Variants in LMLN observed in about 807,000 individuals in gnomAD.
LMLN encodes the protein leishmanolysin-like peptidase.
A neutral mutation model predicts 92.3 loss-of-function variants in LMLN; 70 were observed. The ratio of observed to expected loss-of-function variants is 0.76; its 90% CI spans 0.63 to 0.92. The LOEUF is 0.92. LMLN is among the 40% of genes least tolerant of loss of function. The pLI is 0.00. For missense variants in LMLN, 691 were observed against 814.6 expected (o/e 0.85, Z 1.85); for synonymous variants, 308 against 296.2 (o/e 1.04, Z -0.41).
chr3:197,978,208 T>A (rs897521232), intron 5 of LMLN, among the ~76,000 whole-genome samples: 2 of 152,144 alleles, frequency 1.3e-5, no homozygotes, highest in African/African-American at 4.8e-5. Context: ...CACACGTTAA[T>A]TCTGGATACA....
chr3:198,014,712 A>G (rs139576379), intron 11 of LMLN, among the ~76,000 whole-genome samples: 155 of 138,894 alleles, frequency 1.1e-3, no homozygotes, highest in African/African-American at 3.9e-3. Flanking sequence ...AACTAGTCTG[A>G]CTTCTCTCCA....
chr3:198,035,258 T>TC (rs1723181315), intron 14 of LMLN, among the ~76,000 whole-genome samples: 1 of 150,870 alleles, frequency 6.6e-6, no homozygotes, highest in Admixed American at 6.6e-5. Context: ...GGGAAAAGTG[T>TC]CCATAGCTTC....
chr3:197,963,952 T>G (rs1702783739), intron 1 of LMLN, among the ~76,000 whole-genome samples: 1 of 152,240 alleles, frequency 6.6e-6, no homozygotes, highest in South Asian at 2.1e-4. Context: ...CCCTTTGGTT[T>G]CTGGTTTCCC....
At chr3:198,030,318 T>C (rs924307814) in intron 14 of LMLN, among the ~76,000 whole-genome samples, 8 of 152,224 alleles carry the variant, frequency 5.3e-5, no homozygotes, top group African/African-American at 1.9e-4. Context: ...GTGGTGATTA[T>C]GGATAAATAC....
intron 10 of LMLN, among the ~76,000 whole-genome samples, chr3:197,997,908 G>T (rs182284809): frequency 5.3e-5 from 8 of 152,334 alleles, no homozygotes; most frequent in African/African-American, 1.9e-4. Flanking sequence ...AAAATGTAAT[G>T]AGCAACTTAT....
intron 14 of LMLN, among the ~76,000 whole-genome samples, chr3:198,030,259 G>A (rs989058746): frequency 6.6e-6 from 1 of 152,160 alleles, no homozygotes; most frequent in African/African-American, 2.4e-5. Flanking sequence ...CTCTTGCTGT[G>A]TTCACTTCCT....
At chr3:198,034,533 C>T (rs1334445361) in intron 14 of LMLN, among the ~76,000 whole-genome samples, 1 of 152,108 alleles carries the variant, frequency 6.6e-6, no homozygotes, top group African/African-American at 2.4e-5. Context: ...ATTGCTTGAA[C>T]CCATGAGGCA....
At chr3:197,985,763 T>A (rs761762723) in intron 7 of LMLN, 33 bp from the exon 8 acceptor site, 16 of 1,439,126 alleles carry the variant, frequency 1.1e-5, no homozygotes, top group Non-Finnish European at 1.1e-5. Context: ...TTGATGTTTT[T>A]CACTTGAAGA....
chr3:198,032,087 G>A (rs1371005716), intron 14 of LMLN, among the ~76,000 whole-genome samples: 1 of 146,532 alleles, frequency 6.8e-6, no homozygotes, highest in African/African-American at 2.6e-5. Context: ...GGGCGACAGA[G>A]TGAGACTCTG....
At chr3:198,041,559 G>A (rs1403836236) in exon 16 of LMLN, 2 of 152,182 alleles carry the variant, frequency 1.3e-5, no homozygotes, top group Non-Finnish European at 2.9e-5. Context: ...AAAAAAGTCT[G>A]AAATCTGAAA....
chr3:198,037,204 A>AT (rs1723257628), intron 15 of LMLN, among the ~76,000 whole-genome samples: 1 of 152,192 alleles, frequency 6.6e-6, no homozygotes, highest in African/African-American at 2.4e-5. Context: ...AAAATCAGCA[A>AT]TGGGAAGAGG....
chr3:198,038,890 AACCCAACCACCTCG>A, exon 16 of LMLN: 1 of 293,606 alleles, frequency 3.4e-6, no homozygotes, highest in Non-Finnish European at 5.7e-6. Context: ...CTTCATCAGC[AACCCAACCACCTCG>A]TCAGCAACCC....
chr3:198,036,179 A>C, intron 15 of LMLN, 136 bp downstream of exon 16: 3 of 740,202 alleles, frequency 4.1e-6, no homozygotes, highest in Non-Finnish European at 6.6e-6. Flanking sequence ...TTTTTATGGG[A>C]AGTTCCTCCT....
In LMLN at chr3:198,031,939, T is replaced by G. The variant is rs1723088906; in HGVS notation, c.1657-3894T>G. On this transcript the variant is annotated intron_variant, in intron 14 of 15. Transcript: ENST00000330198. The surrounding 1 kb of genome is among the most constrained non-coding windows in gnomAD (Gnocchi z 4.8). ...CAACATGATGAAACCCCTCATCTAC[T>G]AAAAATACAAAAATTAGCCCGGTGT... 6.6e-6 allele frequency among the ~76,000 whole-genome samples: 1 copy of G among 151,722 alleles called. No individual in the cohort carries two copies. Among genetic ancestry groups the G allele is most frequent in the African/African-American group, 2.4e-5 (1 of 41,288 alleles).
Position 197,991,111 on chromosome 3 carries a change from CT to C in LMLN, c.1047+450del, listed in dbSNP as rs56713833. On this transcript the variant is annotated intron_variant, in intron 9 of 15. Coordinates refer to ENST00000330198, the Ensembl canonical transcript of LMLN. Reference sequence around the variant, plus strand: ...TTTTTTTCTTTTATTTTCTTTCTTTCTTTTTTTTTTTTTTTGATACAGGGTC... The same window carrying C: ...TTTTTTTCTTTTATTTTCTTTCTTTCTTTTTTTTTTTTTTGATACAGGGTC... 4.1e-3 allele frequency among the ~76,000 whole-genome samples: 559 copies of C among 137,742 alleles called. 1 individual carries two copies. The highest frequency in any genetic ancestry group is 0.013 in the South Asian group (58 of 4,346). 90.4% of individuals were successfully genotyped at this position (137,742 alleles called of 152,430 possible).
chr3:197,975,195 A>G, intron 3 of LMLN, 123 bp downstream of exon 3: 1 of 575,630 alleles, frequency 1.7e-6, no homozygotes, highest in Non-Finnish European at 3.1e-6. Context: ...TTGGTAGTGA[A>G]AGTGCTGATC....
At chr3:198,027,494 T>G (rs1337346871) in intron 14 of LMLN, among the ~76,000 whole-genome samples, 1 of 152,128 alleles carries the variant, frequency 6.6e-6, no homozygotes, top group East Asian at 1.9e-4. Context: ...AACTCTGTAC[T>G]CACTAAACAA....
intron 15 of LMLN, among the ~76,000 whole-genome samples, chr3:198,037,406 A>G (rs563796728): frequency 1.5e-4 from 23 of 152,336 alleles, no homozygotes; most frequent in Admixed American, 1.4e-3. Flanking sequence ...TTGATATAAA[A>G]TCTTAGGTCA....
exon 15 of LMLN, chr3:198,035,836 T>C (rs1343447237): frequency 6.2e-7 from 1 of 1,613,384 alleles, no homozygotes; most frequent in East Asian, 2.2e-5. Context: ...TTTGAAGGTT[T>C]CTTGTTCTCC....
Sources: allele counts gnomAD v4.1 joint callset (sites outside exome capture counted in the v4.1 genomes callset), GRCh38; gene constraint gnomAD v4.1.1; non-coding constraint Gnocchi (gnomAD v3.1); transcripts MANE v1.5; gene names NCBI Gene and HGNC (gene_info 2026-07-23, HGNC 2026-07-21).